Variants in DTNA observed in about 807,000 individuals in gnomAD.
DTNA encodes the protein dystrophin-related protein 3.
DTNA carries 43 observed loss-of-function variants against 100.7 expected under a neutral mutation model. That is an observed-to-expected ratio of 0.43 (90% CI 0.33 to 0.55). The LOEUF (loss-of-function observed/expected upper bound fraction) is 0.55. Ranked by LOEUF, DTNA falls within the 20% of genes least tolerant of loss-of-function variation. DTNA has a pLI of 0.04. For missense variants in DTNA, 798 were observed against 953.9 expected (o/e 0.84, Z 2.15); for synonymous variants, 349 against 347.9 (o/e 1.00, Z -0.04).
intron 18 of DTNA, among the ~76,000 whole-genome samples, chr18:34,877,375 G>A (rs1029168480): frequency 3.9e-5 from 6 of 152,160 alleles, no homozygotes; most frequent in Non-Finnish European, 8.8e-5. Flanking sequence ...CTTAAGAAGG[G>A]TGACCACACG....
chr18:34,888,755 T>G lies in DTNA; in HGVS notation c.*1021T>G, dbSNP rs991464282. 3 of 985,772 alleles carry G rather than the reference T, an allele frequency of 3.0e-6. No homozygotes were observed. Among genetic ancestry groups the G allele is most frequent in the Non-Finnish European group, 3.6e-6 (3 of 829,946 alleles). The allele number at this position is 985,772 out of a possible 1,614,324, so 61.1% of individuals were successfully genotyped here. On this transcript the variant is annotated 3_prime_UTR_variant, in exon 23 of 23. Transcript: ENST00000444659. ...CCTCTCGTTTTGGCTTTAGGAAGCA[T>G]GTCTTTAACAGCACCGCTCGTTCAC...
intron 1 of DTNA, among the ~76,000 whole-genome samples, chr18:34,667,048 T>C (rs573742511): frequency 2.6e-5 from 4 of 152,268 alleles, no homozygotes; most frequent in South Asian, 2.1e-4. Context: ...ATTCTTCCTA[T>C]CCATGAGCAT....
intron 13 of DTNA, among the ~76,000 whole-genome samples, chr18:34,840,675 C>T (rs961883880): frequency 6.6e-6 from 1 of 152,108 alleles, no homozygotes; most frequent in African/African-American, 2.4e-5. Context: ...AGACACCTTG[C>T]GTCTGCCTGA....
chr18:34,719,533 G>T (rs1048917862), intron 1 of DTNA, among the ~76,000 whole-genome samples: 1 of 151,906 alleles, frequency 6.6e-6, no homozygotes. Flanking sequence ...CAACTACTAC[G>T]CCATCCTGCC....
chr18:34,518,245 C>T (rs1568575797), intron 1 of DTNA, among the ~76,000 whole-genome samples: 3 of 152,032 alleles, frequency 2.0e-5, no homozygotes, highest in African/African-American at 7.2e-5. Context: ...TGAAATGTCT[C>T]TTCATATCTT....
intron 1 of DTNA, among the ~76,000 whole-genome samples, chr18:34,516,395 A>C (rs541655358): frequency 6.6e-6 from 1 of 152,058 alleles, no homozygotes; most frequent in Non-Finnish European, 1.5e-5. Flanking sequence ...ATGAAGTTTC[A>C]TGTCCCACTG....
intron 1 of DTNA, among the ~76,000 whole-genome samples, chr18:34,636,529 A>T (rs772453698): frequency 1.3e-5 from 2 of 152,242 alleles, no homozygotes; most frequent in African/African-American, 4.8e-5. Flanking sequence ...GAACTCTCTC[A>T]ATTCTTGTGG....
At chr18:34,622,748 G>A (rs937994711) in intron 1 of DTNA, among the ~76,000 whole-genome samples, 10 of 152,098 alleles carry the variant, frequency 6.6e-5, no homozygotes, top group Non-Finnish European at 1.5e-4. Flanking sequence ...TATTCCTCGT[G>A]CCCCTCTCCA....
At position 34,784,310 on chromosome 18, in the gene DTNA, C is replaced by T. The variant is rs560070658; in HGVS notation, c.149-9727C>T. Among the ~76,000 whole-genome samples the T allele has an allele frequency of 1.4e-4, 22 of 152,296 alleles. No homozygotes were observed. The South Asian group carries it at 4.6e-3, about 32-fold the overall frequency. ...ATTGAAAAATTAAGAGTGTTATATA[C>T]TGGGCAGTATAAATGAATAGTTATA... On this transcript the variant is annotated intron_variant, in intron 3 of 22. Transcript: ENST00000444659.
chr18:34,535,763 T>G (rs756266225), intron 1 of DTNA, among the ~76,000 whole-genome samples: 1 of 152,128 alleles, frequency 6.6e-6, no homozygotes. Context: ...CTTTCCCCAT[T>G]GCTTGTTTTT....
intron 17 of DTNA, chr18:34,868,274 T>G: frequency 4.2e-6 from 1 of 239,964 alleles, no homozygotes; most frequent in Non-Finnish European, 6.7e-6. Flanking sequence ...GGGAGCTTTA[T>G]AGGAGTACTG....
intron 1 of DTNA, among the ~76,000 whole-genome samples, chr18:34,544,201 G>A (rs1601677124): frequency 6.6e-6 from 1 of 152,000 alleles, no homozygotes; most frequent in East Asian, 1.9e-4. Flanking sequence ...GGTTGGGCAA[G>A]CCTGGGGTTT....
intron 3 of DTNA, among the ~76,000 whole-genome samples, chr18:34,792,018 T>C (rs1406096268): frequency 6.6e-6 from 1 of 152,158 alleles, no homozygotes; most frequent in East Asian, 1.9e-4. Flanking sequence ...ACATAAAACA[T>C]TATTTTGAGT....
At chr18:34,601,302 G>C (rs954712878) in intron 1 of DTNA, among the ~76,000 whole-genome samples, 1 of 152,180 alleles carries the variant, frequency 6.6e-6, no homozygotes, top group African/African-American at 2.4e-5. Flanking sequence ...GTAACTTCTA[G>C]GTCACTGGTC....
chr18:34,647,743 AAGACATTAAGTC>A (rs1248256300), intron 1 of DTNA, among the ~76,000 whole-genome samples: 54 of 152,236 alleles, frequency 3.5e-4, no homozygotes, highest in Middle Eastern at 3.2e-3. Flanking sequence ...TCTTAAAGAA[AAGACATTAAGTC>A]AACACACAAA....
intron 3 of DTNA, among the ~76,000 whole-genome samples, chr18:34,769,409 A>G (rs2093646879): frequency 6.6e-6 from 1 of 152,222 alleles, no homozygotes; most frequent in African/African-American, 2.4e-5. Flanking sequence ...TTAGTCTGCA[A>G]TAAACCTAAC....
intron 1 of DTNA, among the ~76,000 whole-genome samples, chr18:34,715,292 C>A (rs1002181543): frequency 6.6e-6 from 1 of 152,052 alleles, no homozygotes; most frequent in African/African-American, 2.4e-5. Flanking sequence ...AATGCAAACT[C>A]ATTTCTAGGA....
chr18:34,678,419 C>G (rs1456916065), intron 1 of DTNA, among the ~76,000 whole-genome samples: 1 of 152,082 alleles, frequency 6.6e-6, no homozygotes, highest in African/African-American at 2.4e-5. Context: ...GCACCCATCA[C>G]CCAGCAAAGG....
At chr18:34,653,696 A>G (rs963822931) in intron 1 of DTNA, among the ~76,000 whole-genome samples, 6 of 152,180 alleles carry the variant, frequency 3.9e-5, no homozygotes, top group Middle Eastern at 3.4e-3. Flanking sequence ...GGTGGCACAC[A>G]CTTGTAGTCC....
Sources: gnomAD v4.1 joint callset for allele counts (sites outside exome capture counted in the v4.1 genomes callset) on GRCh38, gnomAD v4.1.1 for gene constraint, MANE v1.5 for transcripts, NCBI Gene and HGNC (gene_info 2026-07-23, HGNC 2026-07-21) for gene names.